The following FOXN3 variants were observed in gnomAD, a reference collection of about 807,000 sequenced individuals.
The protein encoded by FOXN3 is forkhead box protein N3.
A neutral mutation model predicts 38.4 loss-of-function variants in FOXN3; 7 were observed. That is an observed-to-expected ratio of 0.18 (90% CI 0.10 to 0.34). The LOEUF is 0.34. FOXN3 is among the 10% of genes least tolerant of loss of function. The pLI, the probability that FOXN3 is intolerant of heterozygous loss-of-function variation, is 1.00. For synonymous variants in FOXN3, 230 were observed against 242.2 expected, an observed-to-expected ratio of 0.95 and a Z score of 0.47; for missense variants, 456 against 613.4, an observed-to-expected ratio of 0.74 and a Z score of 2.71.
intron 4 of FOXN3, among the ~76,000 whole-genome samples, chr14:89,191,973 T>TATATATATATATATATATAAAA (rs1481298307): frequency 3.0e-5 from 4 of 135,190 alleles, no homozygotes; most frequent in Middle Eastern, 3.8e-3. Flanking sequence ...CACATATATA[T>TATATATATATATATATATAAAA]AACTATAATA....
At chr14:89,226,270 G>A (rs535143361) in intron 4 of FOXN3, among the ~76,000 whole-genome samples, 27 of 152,068 alleles carry the variant, frequency 1.8e-4, no homozygotes, top group Admixed American at 1.6e-3. Flanking sequence ...TGTCAACCAG[G>A]CTGGGGTGCA....
At chr14:89,309,801 C>G (rs968231562) in intron 3 of FOXN3, among the ~76,000 whole-genome samples, 1 of 152,194 alleles carries the variant, frequency 6.6e-6, no homozygotes, top group Non-Finnish European at 1.5e-5. Flanking sequence ...TAATGAAAAC[C>G]CAATTAAGCT....
Position 89,164,146 on chromosome 14 carries a change from GT to G in FOXN3, c.852-1178del, listed in dbSNP as rs1887178620. ...GCAATGGCTGTGAAGCTTATTCCTG[GT>G]TAGGACCCATGCTCCTTATGTCTGG... is the stretch of plus-strand genomic sequence containing the variant. On this transcript the variant is annotated intron_variant, in intron 5 of 5. Coordinates refer to ENST00000557258, the MANE Select transcript of FOXN3 (RefSeq NM_005197.4). This position sits in a 1 kb window ranked among gnomAD's most constrained non-coding sequence, Gnocchi z 4.3. 6.6e-6 allele frequency among the ~76,000 whole-genome samples: 1 copy of G among 152,206 alleles called. No homozygotes were observed. The highest frequency in any genetic ancestry group is 1.5e-5 in the Non-Finnish European group (1 of 68,040).
chr14:89,249,807 C>G (rs1170386063), intron 4 of FOXN3, among the ~76,000 whole-genome samples: 1 of 152,160 alleles, frequency 6.6e-6, no homozygotes, highest in African/African-American at 2.4e-5. Context: ...CTCTTCAGCC[C>G]ATGGGCCAAA....
In FOXN3 at chr14:89,158,426, G is replaced by C. The variant is rs1463220264; in HGVS notation, c.*3988C>G. The C allele has an allele frequency of 2.0e-5, 3 of 152,560 alleles. No homozygotes were observed. The highest frequency in any genetic ancestry group is 4.4e-5 in the Non-Finnish European group (3 of 68,032). The allele number at this position is 152,560 out of a possible 1,614,324, so 9.5% of individuals were successfully genotyped here. ...AAAGAAAACTCTGTTCTTGGGAATC[G>C]GCCTCTGGCACATTCCTTCTTAAAA... On this transcript the variant is annotated 3_prime_UTR_variant, in exon 6 of 6. Coordinates refer to ENST00000557258, the MANE Select transcript of FOXN3 (RefSeq NM_005197.4).
intron 4 of FOXN3, among the ~76,000 whole-genome samples, chr14:89,225,578 T>C (rs1596114861): frequency 6.6e-6 from 1 of 152,026 alleles, no homozygotes; most frequent in South Asian, 2.1e-4. Flanking sequence ...CACTCCAGCC[T>C]GGGCGACAGA....
At chr14:89,376,190 C>G (rs1890472708) in intron 2 of FOXN3, among the ~76,000 whole-genome samples, 1 of 151,968 alleles carries the variant, frequency 6.6e-6, no homozygotes, top group African/African-American at 2.4e-5. Flanking sequence ...GAGTCCAGAA[C>G]TTTTTTTTGT....
At chr14:89,232,302 G>T (rs75107336) in intron 4 of FOXN3, among the ~76,000 whole-genome samples, 1 of 152,132 alleles carries the variant, frequency 6.6e-6, no homozygotes, top group African/African-American at 2.4e-5. Context: ...AACACAAACC[G>T]TTCGCCTATA....
chr14:89,580,135 G>C lies in FOXN3; in HGVS notation c.-15+38893C>G, dbSNP rs1895715458. On this transcript the variant is annotated intron_variant, in intron 1 of 6. Transcript: ENST00000345097. ...ACACCAGATTGGTATTTCTAGCAGA[G>C]TCTAGGAAATCAGTCAAGAGCAGTA... Among the ~76,000 whole-genome samples the C allele has an allele frequency of 2.0e-5, 3 of 152,148 alleles. No homozygotes were observed. The South Asian group carries it at 6.2e-4, about 31-fold the overall frequency.
At chr14:89,401,799 G>GA in intron 2 of FOXN3, 2 of 377,770 alleles carry the variant, frequency 5.3e-6, no homozygotes, top group Non-Finnish European at 1.0e-5. Context: ...GCACTTCACA[G>GA]AACTCCAATA....
intron 3 of FOXN3, among the ~76,000 whole-genome samples, chr14:89,347,955 A>T (rs1330454558): frequency 1.3e-5 from 2 of 151,690 alleles, no homozygotes; most frequent in African/African-American, 4.9e-5. Flanking sequence ...TCCGTCTCAA[A>T]AAAAAGCAAA....
chr14:89,523,912 G>A (rs369536471), intron 1 of FOXN3, among the ~76,000 whole-genome samples: 20 of 151,932 alleles, frequency 1.3e-4, no homozygotes, highest in Non-Finnish European at 2.2e-4. Flanking sequence ...ACAGGTGTGC[G>A]CCACCATGCC....
At chr14:89,311,117 A>C (rs1887528668) in intron 3 of FOXN3, among the ~76,000 whole-genome samples, 1 of 151,108 alleles carries the variant, frequency 6.6e-6, no homozygotes, top group Non-Finnish European at 1.5e-5. Context: ...AAAAAAAAAA[A>C]AAAACCTGAC....
chr14:89,380,350 T>G (rs1405053939), intron 2 of FOXN3, among the ~76,000 whole-genome samples: 3 of 152,238 alleles, frequency 2.0e-5, no homozygotes, highest in African/African-American at 7.2e-5. Context: ...ACCTCTTTCC[T>G]TTATAAATTA....
At chr14:89,294,536 T>C (rs1009445864) in intron 3 of FOXN3, among the ~76,000 whole-genome samples, 2 of 152,132 alleles carry the variant, frequency 1.3e-5, no homozygotes, top group African/African-American at 2.4e-5. Flanking sequence ...ACCCAGATGG[T>C]GAAGGCATTC....
At chr14:89,189,055 G>C (rs1234369397) in intron 4 of FOXN3, among the ~76,000 whole-genome samples, 1 of 152,068 alleles carries the variant, frequency 6.6e-6, no homozygotes, top group South Asian at 2.1e-4. Flanking sequence ...TAGACTGTTC[G>C]GAACAGGTAA....
intron 3 of FOXN3, among the ~76,000 whole-genome samples, chr14:89,324,848 G>A (rs1158593359): frequency 6.6e-6 from 1 of 152,102 alleles, no homozygotes; most frequent in Non-Finnish European, 1.5e-5. Context: ...TAAACCACCT[G>A]GAGATTGTAT....
At chr14:89,176,346 T>A (rs1364245720) in intron 5 of FOXN3, among the ~76,000 whole-genome samples, 1 of 151,186 alleles carries the variant, frequency 6.6e-6, no homozygotes, top group African/African-American at 2.4e-5. Flanking sequence ...AACATGGCCT[T>A]TGCCACTCTG....
intron 1 of FOXN3, among the ~76,000 whole-genome samples, chr14:89,452,782 A>G (rs972808607): frequency 1.3e-5 from 2 of 152,250 alleles, no homozygotes; most frequent in African/African-American, 4.8e-5. Context: ...CTTTAGTTTC[A>G]GGTTTCCAAA....
Sources: allele counts gnomAD v4.1 joint callset (sites outside exome capture counted in the v4.1 genomes callset), GRCh38; gene constraint gnomAD v4.1.1; non-coding constraint Gnocchi (gnomAD v3.1); transcripts MANE v1.5; gene names NCBI Gene and HGNC (gene_info 2026-07-23, HGNC 2026-07-21).